The following SLC2A5 variants were observed in gnomAD, a reference collection of about 807,000 sequenced individuals.
The protein encoded by SLC2A5 is solute carrier family 2, facilitated glucose transporter member 5.
A neutral mutation model predicts 50.3 loss-of-function variants in SLC2A5; 56 were observed. The ratio of observed to expected loss-of-function variants is 1.11; its 90% CI spans 0.90 to 1.39. The LOEUF is 1.39. Among genes scored for constraint, SLC2A5 ranks in the 40% most tolerant of loss-of-function variants. The probability of loss-of-function intolerance (pLI) is 0.00; values close to 1 mark genes in which losing one functional copy is unlikely to be tolerated. For missense variants in SLC2A5, 566 were observed against 650.1 expected (o/e 0.87, Z 1.41); for synonymous variants, 269 against 281.9 (o/e 0.95, Z 0.46).
Position 9,046,867 on chromosome 1 carries a change from A to AG in SLC2A5, c.418+742dup, listed in dbSNP as rs112325492. ...CTCAAATTGTAATCCCCATGTGTCAAGGGAGGACCTGATGGGAGGTGATTG... is the reference window on the plus strand; with the variant it reads ...CTCAAATTGTAATCCCCATGTGTCAAGGGGAGGACCTGATGGGAGGTGATTG... On this transcript the variant is annotated intron_variant, in intron 4 of 11. Transcript: ENST00000377424. Among the ~76,000 whole-genome samples, 1,022 of 152,172 alleles carry AG rather than the reference A, an allele frequency of 6.7e-3. 12 individuals carry two copies. The highest frequency in any genetic ancestry group is 0.024 in the African/African-American group (978 of 41,508).
At chr1:9,060,086 TACACACACAAC>T (rs1557675934) in intron 1 of SLC2A5, among the ~76,000 whole-genome samples, 1 of 92,388 alleles carries the variant, frequency 1.1e-5, no homozygotes. Context: ...ACACACACAC[TACACACACAAC>T]ACACACAATA....
At chr1:9,083,773 C>G (rs1361184190) in intron 2 of SLC2A5, among the ~76,000 whole-genome samples, 3 of 151,834 alleles carry the variant, frequency 2.0e-5, no homozygotes, top group Non-Finnish European at 4.4e-5. Flanking sequence ...TGCAGTGAGC[C>G]GAGATTGCAC....
In SLC2A5 at chr1:9,035,124, T is replaced by G. The variant is rs1225915964; in HGVS notation, c.*2462A>C. The G allele has an allele frequency of 6.6e-6, 1 of 152,238 alleles. No homozygotes were observed. Among genetic ancestry groups the G allele is most frequent in the African/African-American group, 2.4e-5 (1 of 41,460 alleles). 9.4% of individuals were successfully genotyped at this position (152,238 alleles called of 1,614,324 possible). ...ATATAAAGTCATTTAATTCTCACAA[T>G]GGACATGTGAGACATTTACTATTAG... On this transcript the variant is annotated 3_prime_UTR_variant, in exon 12 of 12. Coordinates refer to ENST00000377424, the MANE Select transcript of SLC2A5 (RefSeq NM_003039.3).
At chr1:9,043,251 G>A (rs939571199) in intron 4 of SLC2A5, among the ~76,000 whole-genome samples, 5 of 152,098 alleles carry the variant, frequency 3.3e-5, no homozygotes, top group South Asian at 2.1e-4. Context: ...TGTTGATGGC[G>A]GGGTATTTGA....
At chr1:9,048,035 A>C (rs1015398550) in intron 3 of SLC2A5, among the ~76,000 whole-genome samples, 1 of 152,206 alleles carries the variant, frequency 6.6e-6, no homozygotes, top group Non-Finnish European at 1.5e-5. Flanking sequence ...CTAATTTATA[A>C]TTTTGGTGTA....
intron 1 of SLC2A5, among the ~76,000 whole-genome samples, chr1:9,067,826 C>T (rs532464571): frequency 2.0e-5 from 3 of 152,240 alleles, no homozygotes; most frequent in East Asian, 3.9e-4. Flanking sequence ...TACAACGAAG[C>T]GTTAGCCAGT....
intron 2 of SLC2A5, among the ~76,000 whole-genome samples, chr1:9,082,445 G>C (rs1294947250): frequency 6.6e-6 from 1 of 152,106 alleles, no homozygotes; most frequent in Non-Finnish European, 1.5e-5. Context: ...CAGGCACAGG[G>C]GTGCATGCCT....
intron 2 of SLC2A5, among the ~76,000 whole-genome samples, chr1:9,081,282 CCA>C (rs1557685797): frequency 3.7e-5 from 3 of 80,094 alleles, no homozygotes; most frequent in Non-Finnish European, 6.6e-5. Context: ...AAAAAAAACC[CCA>C]AAAAAAAAAA....
At chr1:9,077,478 C>T (rs61502331) in intron 2 of SLC2A5, among the ~76,000 whole-genome samples, 5,993 of 141,926 alleles carry the variant, frequency 0.042, 230 homozygotes, top group East Asian at 0.14. Context: ...CAGTGGCTCA[C>T]GCCTGTAATC....
Position 9,037,987 on chromosome 1 carries a change from C to T in SLC2A5, c.1212G>A (p.Leu404=), listed in dbSNP as rs768007033. ...TGAAGGCAGATGGCCGAGAGGACTG[C>T]AGGAAGATCTCAGTGATGAGCAGCG... ...IPALLITEIF[L]QSSRPSAFMV... The change falls in exon 11 of 12, where the codon CTG becomes CTA. Residue 404 remains leucine (L), a synonymous_variant. Coordinates refer to ENST00000377424, the MANE Select transcript of SLC2A5 (RefSeq NM_003039.3). 3.8e-5 allele frequency: 61 copies of T among 1,613,808 alleles called. No homozygotes were observed. The highest frequency in any genetic ancestry group is 3.3e-4 in the Middle Eastern group (2 of 6,084).
At chr1:9,045,938 A>G (rs1403228531) in intron 4 of SLC2A5, among the ~76,000 whole-genome samples, 1 of 151,332 alleles carries the variant, frequency 6.6e-6, no homozygotes. Context: ...CCGAGCACTA[A>G]GTGAAGTTTG....
In SLC2A5 at chr1:9,036,116, T is replaced by TAAGACTCCTCAAGATTTC. The variant is rs1641129009; in HGVS notation, c.*1452_*1469dup. ...CTCCCCCACCACAGTCTCAAGATTT[T>TAAGACTCCTCAAGATTTC]AAGACTCCTCAAGATTTCATTACAT... is the stretch of plus-strand genomic sequence containing the variant. On this transcript the variant is annotated 3_prime_UTR_variant, in exon 12 of 12. Transcript: ENST00000377424. 6.6e-6 allele frequency: 1 copy of TAAGACTCCTCAAGATTTC among 152,240 alleles called. No individual in the cohort carries two copies. Among genetic ancestry groups the TAAGACTCCTCAAGATTTC allele is most frequent in the Non-Finnish European group, 1.5e-5 (1 of 68,056 alleles). The allele number at this position is 152,240 out of a possible 1,614,324, so 9.4% of individuals were successfully genotyped here.
chr1:9,056,684 T>C (rs12080175), intron 3 of SLC2A5, among the ~76,000 whole-genome samples: 40,570 of 151,956 alleles, frequency 0.27, 6,346 homozygotes, highest in East Asian at 0.58. Flanking sequence ...CGGGGGAGCG[T>C]GACATCTTAA....
At chr1:9,039,499 T>TGGGGCCC in intron 8 of SLC2A5, 53 bp downstream of exon 8, 1 of 1,348,898 alleles carries the variant, frequency 7.4e-7, no homozygotes. Flanking sequence ...GGCTGGGGCG[T>TGGGGCCC]GGGGCCCGAG....
upstream of SLC2A5, among the ~76,000 whole-genome samples, chr1:9,091,498 A>C (rs1642462348): frequency 6.6e-6 from 1 of 152,090 alleles, no homozygotes; most frequent in African/African-American, 2.4e-5. Context: ...TTTCCTTCTC[A>C]CAGTCTACAA....
chr1:9,053,137 TTA>T (rs1291375919), intron 3 of SLC2A5, among the ~76,000 whole-genome samples: 3 of 66,976 alleles, frequency 4.5e-5, no homozygotes, highest in Admixed American at 4.2e-4. Context: ...TTACATATAT[TTA>T]TATGTTAATA....
intron 3 of SLC2A5, among the ~76,000 whole-genome samples, chr1:9,056,252 C>A (rs1416912990): frequency 6.6e-6 from 1 of 152,128 alleles, no homozygotes; most frequent in Non-Finnish European, 1.5e-5. Context: ...ATGGTGCGAT[C>A]TTAGCTCACG....
intron 4 of SLC2A5, among the ~76,000 whole-genome samples, chr1:9,043,222 G>A (rs1317340758): frequency 1.3e-5 from 2 of 152,178 alleles, no homozygotes; most frequent in African/African-American, 4.8e-5. Flanking sequence ...AGTTTGGAGT[G>A]AGCAGAGGTT....
rs1260510688 is a variant in SLC2A5 at position 9,041,879 on chromosome 1, C to A, written c.477G>T (p.Arg159=). 4.3e-6 allele frequency: 7 copies of A among 1,613,918 alleles called. No individual in the cohort carries two copies. The South Asian group carries it at 4.4e-5, about 10-fold the overall frequency. ...YLGELAPKNL[R]GALGVVPQLF... is the part of the protein sequence containing the mutation. The stretch of plus-strand genomic sequence containing the variant: ...GCTGGGGCACCACCCCGAGAGCCCC[C>A]CGCAGGTTTTTAGGGGCCAGCTCCC... Residue 159 remains arginine, a synonymous_variant, in exon 5 of 12, where the codon CGG becomes CGT. Transcript: ENST00000377424.
Sources: gnomAD v4.1 joint callset for allele counts (sites outside exome capture counted in the v4.1 genomes callset) on GRCh38, gnomAD v4.1.1 for gene constraint, MANE v1.5 for transcripts, NCBI Gene and HGNC (gene_info 2026-07-23, HGNC 2026-07-21) for gene names.